Variants in LCK observed in about 807,000 individuals in gnomAD.
LCK encodes LCK proto-oncogene, Src family tyrosine kinase, also known as tyrosine-protein kinase Lck.
Under a neutral mutation model 64.6 loss-of-function variants are expected in LCK, and 14 were observed. That is an observed-to-expected ratio of 0.22 (90% CI 0.14 to 0.34). The LOEUF (loss-of-function observed/expected upper bound fraction) is 0.34. Among genes scored for constraint, LCK ranks in the 10% least tolerant of loss-of-function variants. The pLI, the probability that LCK is intolerant of heterozygous loss-of-function variation, is 1.00. For synonymous variants in LCK, 277 were observed against 263.6 expected (o/e 1.05, Z -0.49); for missense variants, 434 against 668.1 (o/e 0.65, Z 3.86).
chr1:32,284,521 C>A (rs1640559914), intron 12 of LCK, among the ~76,000 whole-genome samples: 1 of 151,794 alleles, frequency 6.6e-6, no homozygotes, highest in East Asian at 1.9e-4. Flanking sequence ...AGGCGCATAC[C>A]ACCAAGCCTG....
chr1:32,261,318 A>G (rs1569911009), intron 1 of LCK, among the ~76,000 whole-genome samples: 2 of 134,748 alleles, frequency 1.5e-5, no homozygotes, highest in African/African-American at 5.7e-5. Context: ...CGTGATGTCC[A>G]CTCACTGCAA....
In LCK at chr1:32,251,788, C is replaced by T. The variant is rs1639510867; in HGVS notation, c.-6+417C>T. ...GCAGGGCTGAGAGTGATGGCTGAGG[C>T]TGTGGCCACCCCGCCTGGAGCAGGG... On this transcript the variant is annotated intron_variant, in intron 1 of 12. Transcript: ENST00000336890. This position sits in a 1 kb window ranked among gnomAD's most constrained non-coding sequence, Gnocchi z 4.0. Among the ~76,000 whole-genome samples, 1 of 152,092 alleles carries T rather than the reference C, an allele frequency of 6.6e-6. No homozygotes were observed. Among genetic ancestry groups the T allele is most frequent in the African/African-American group, 2.4e-5 (1 of 41,424 alleles).
At chr1:32,281,800 C>T (rs563274808) in intron 12 of LCK, among the ~76,000 whole-genome samples, 1 of 152,262 alleles carries the variant, frequency 6.6e-6, no homozygotes, top group South Asian at 2.1e-4. Flanking sequence ...TGCAGTGGCT[C>T]ACACCTGTAA....
intron 12 of LCK, among the ~76,000 whole-genome samples, chr1:32,284,295 G>GAT (rs71278771): frequency 0.11 from 15,389 of 145,838 alleles, 1,173 homozygotes; most frequent in East Asian, 0.32. Flanking sequence ...ATATCTGTGA[G>GAT]ATATATATAT....
intron 1 of LCK, among the ~76,000 whole-genome samples, chr1:32,264,437 G>A (rs904552624): frequency 6.6e-6 from 1 of 151,654 alleles, no homozygotes; most frequent in African/African-American, 2.4e-5. Flanking sequence ...TGGGAGAAGC[G>A]CTTGAGCCCA....
chr1:32,263,779 C>T (rs1002346394), intron 1 of LCK, among the ~76,000 whole-genome samples: 1 of 152,126 alleles, frequency 6.6e-6, no homozygotes, highest in Non-Finnish European at 1.5e-5. Flanking sequence ...GGCTTGGTGG[C>T]ATGGGCCTGC....
At chr1:32,260,818 C>T (rs765409647) in intron 1 of LCK, among the ~76,000 whole-genome samples, 1 of 151,916 alleles carries the variant, frequency 6.6e-6, no homozygotes, top group Non-Finnish European at 1.5e-5. Context: ...GATGAGTTCT[C>T]ACCATGTTGC....
chr1:32,285,714 T>C lies in LCK; in HGVS notation c.1528T>C (p.Ter510ArgextTer43). 6.3e-7 allele frequency: 1 copy of C among 1,580,252 alleles called. No individual in the cohort carries two copies. The highest frequency in any genetic ancestry group is 8.6e-7 in the Non-Finnish European group (1 of 1,162,874). The change falls in exon 13 of 13, where the codon TGA becomes CGA. Residue 510 changes from the stop codon to arginine, a stop_lost. Coordinates refer to ENST00000336890, the MANE Select transcript of LCK (RefSeq NM_005356.5). Reference sequence around the variant, plus strand: ...AGAGGGCCAGTACCAGCCTCAGCCTTGAGAGGCCTTGAGAGGCCCTGGGGT... The same window carrying C: ...AGAGGGCCAGTACCAGCCTCAGCCTCGAGAGGCCTTGAGAGGCCCTGGGGT... Reference protein sequence around the residue: ...ATEGQYQPQP* With the variant: ...ATEGQYQPQPR
In LCK at chr1:32,276,063, A is replaced by G; in HGVS notation, c.631A>G (p.Asn211Asp). Reference protein sequence around the residue: ...GLHELVRHYTNASDGLCTRLS... With the variant: ...GLHELVRHYTDASDGLCTRLS... ...GCATGAACTGGTCCGCCATTACACC[A>G]GTGAGCCCGACGGGACCCCTCCCCC... The change falls in exon 7 of 13, where the codon AAT becomes GAT. Residue 211 changes from asparagine to aspartate, a missense_variant and splice_region_variant. This residue lies in a region of LCK where 233 missense variants were observed against 291.2 expected (regional missense o/e 0.80). Transcript: ENST00000336890. This position sits in a 1 kb window ranked among gnomAD's most constrained non-coding sequence, Gnocchi z 4.6. 6.2e-7 allele frequency: 1 copy of G among 1,613,812 alleles called. No individual in the cohort carries two copies. Among genetic ancestry groups the G allele is most frequent in the Non-Finnish European group, 8.5e-7 (1 of 1,179,942 alleles).
chr1:32,269,835 G>A (rs1315614091), intron 1 of LCK, among the ~76,000 whole-genome samples: 3 of 152,116 alleles, frequency 2.0e-5, no homozygotes, highest in Non-Finnish European at 2.9e-5. Context: ...GAGTTGGTAG[G>A]ACAGAATTGT....
At position 32,280,257 on chromosome 1, in the gene LCK, C is replaced by T; in HGVS notation, c.1327+47C>T. The stretch of plus-strand genomic sequence containing the variant: ...TGAAAGGGTGATGGGAAGGGCAAGT[C>T]CATGTCTTCCCATTCAATTCTTTCC... On this transcript the variant is annotated intron_variant, in intron 12 of 12. Coordinates refer to ENST00000336890, the MANE Select transcript of LCK (RefSeq NM_005356.5). 1.2e-6 allele frequency: 2 copies of T among 1,604,432 alleles called. 1 individual carries two copies. The highest frequency in any genetic ancestry group is 3.3e-4 in the Middle Eastern group (2 of 5,996).
chr1:32,276,276 A>G lies in LCK; in HGVS notation c.632-61A>G. The G allele has an allele frequency of 6.6e-7, 1 of 1,515,794 alleles. No individual in the cohort carries two copies. Among genetic ancestry groups the G allele is most frequent in the South Asian group, 1.3e-5 (1 of 76,978 alleles). 93.9% of individuals were successfully genotyped at this position (1,515,794 alleles called of 1,614,324 possible). On this transcript the variant is annotated intron_variant, in intron 7 of 12. Coordinates refer to ENST00000336890, the MANE Select transcript of LCK (RefSeq NM_005356.5). This position sits in a 1 kb window ranked among gnomAD's most constrained non-coding sequence, Gnocchi z 4.6. ...AGATGGGGGCTTGGAGAAGTGGGGG[A>G]GGTGGTGTCAATACGAGGCCTGCCC...
At chr1:32,254,149 G>C (rs1389449354) in intron 1 of LCK, among the ~76,000 whole-genome samples, 5 of 152,280 alleles carry the variant, frequency 3.3e-5, no homozygotes, top group Non-Finnish European at 1.5e-5. Context: ...TCTGGAGCTA[G>C]GGGTTTGAGG....
intron 1 of LCK, among the ~76,000 whole-genome samples, chr1:32,253,170 A>G (rs1639548242): frequency 6.6e-6 from 1 of 152,158 alleles, no homozygotes; most frequent in Non-Finnish European, 1.5e-5. Flanking sequence ...GCTTGAGACC[A>G]GGCTGGCCGA....
intron 1 of LCK, among the ~76,000 whole-genome samples, chr1:32,252,276 C>G (rs1202345971): frequency 1.3e-5 from 2 of 152,166 alleles, no homozygotes; most frequent in Non-Finnish European, 2.9e-5. Context: ...GGCTCCCTCC[C>G]GCTTCAGCCC....
At chr1:32,261,816 C>T (rs1005039445) in intron 1 of LCK, among the ~76,000 whole-genome samples, 3 of 150,402 alleles carry the variant, frequency 2.0e-5, no homozygotes, top group Non-Finnish European at 4.4e-5. Context: ...GCCGGGCATA[C>T]TAGGCGCATG....
chr1:32,281,421 T>C (rs530715721), intron 12 of LCK, among the ~76,000 whole-genome samples: 138 of 148,894 alleles, frequency 9.3e-4, no homozygotes, highest in Admixed American at 2.8e-3. Context: ...GATTGTTCTA[T>C]TGCACTCCAG....
Position 32,251,970 on chromosome 1 carries a change from C to T in LCK, c.-6+599C>T, listed in dbSNP as rs910143171. 6.6e-6 allele frequency among the ~76,000 whole-genome samples: 1 copy of T among 151,190 alleles called. No homozygotes were observed. Among genetic ancestry groups the T allele is most frequent in the African/African-American group, 2.4e-5 (1 of 40,996 alleles). ...CACCCAAGGCATCCAGATGGACATGCGAGGAGTGATTTTAGCCTCAGCGAT... is the reference window on the plus strand; with the variant it reads ...CACCCAAGGCATCCAGATGGACATGTGAGGAGTGATTTTAGCCTCAGCGAT... On this transcript the variant is annotated intron_variant, in intron 1 of 12. Transcript: ENST00000336890. This position sits in a 1 kb window ranked among gnomAD's most constrained non-coding sequence, Gnocchi z 4.0.
chr1:32,276,540 C>CT lies in LCK; in HGVS notation c.784+52dup. 6.3e-7 allele frequency: 1 copy of CT among 1,586,914 alleles called. No individual in the cohort carries two copies. Among genetic ancestry groups the CT allele is most frequent in the Non-Finnish European group, 8.6e-7 (1 of 1,164,214 alleles). The stretch of plus-strand genomic sequence containing the variant: ...GGGAAGAGGGGAACGGGAGGGGCCG[C>CT]TGAGGTGATGAGAGTCCCAGGACAG... On this transcript the variant is annotated intron_variant, in intron 8 of 12. Coordinates refer to ENST00000336890, the MANE Select transcript of LCK (RefSeq NM_005356.5). This position sits in a 1 kb window ranked among gnomAD's most constrained non-coding sequence, Gnocchi z 4.6.
Sources: allele counts gnomAD v4.1 joint callset (sites outside exome capture counted in the v4.1 genomes callset), GRCh38; gene constraint gnomAD v4.1.1; regional missense constraint gnomAD v4.1.1; non-coding constraint Gnocchi (gnomAD v3.1); transcripts MANE v1.5; gene names NCBI Gene and HGNC (gene_info 2026-07-23, HGNC 2026-07-21).